Variants in TMCC3 observed in about 807,000 individuals in gnomAD.
The protein encoded by TMCC3 is transmembrane and coiled-coil domain protein 3.
A neutral mutation model predicts 40.2 loss-of-function variants in TMCC3; 28 were observed. The observed-to-expected ratio is 0.70, with a 90% CI of 0.52 to 0.95. The LOEUF (loss-of-function observed/expected upper bound fraction) is 0.95, where lower values mean the gene tolerates loss of function less well. Among genes scored for constraint, TMCC3 ranks in the 40% least tolerant of loss-of-function variants. The pLI is 0.00. For synonymous variants in TMCC3, 255 were observed against 248.5 expected (o/e 1.03, Z -0.25); for missense variants, 554 against 615.2 (o/e 0.90, Z 1.05).
intron 1 of TMCC3, among the ~76,000 whole-genome samples, chr12:94,592,920 G>GCA (rs2068687613): frequency 6.6e-6 from 1 of 152,200 alleles, no homozygotes; most frequent in Admixed American, 6.5e-5. Flanking sequence ...TCTTCGGCCA[G>GCA]GCGCGGTGGC....
rs570327158 is a variant in TMCC3, at chr12:94,611,490, TAA to T, written c.79-28954_79-28953del. Among the ~76,000 whole-genome samples, 216 of 152,234 alleles carry T rather than the reference TAA, an allele frequency of 1.4e-3. 4 individuals carry two copies. The South Asian group carries it at 0.043, about 30-fold the overall frequency. On this transcript the variant is annotated intron_variant, in intron 1 of 3. Transcript: ENST00000261226. ...ATTTCATGGGCAATGATGTTTTCCA[TAA>T]AGACTCTTCACTGAGAATACTCATA...
At chr12:94,626,525 T>G (rs2068905058) in intron 1 of TMCC3, among the ~76,000 whole-genome samples, 1 of 152,244 alleles carries the variant, frequency 6.6e-6, no homozygotes, top group South Asian at 2.1e-4. Context: ...TGCTTTCTGT[T>G]GAAATAGTGA....
chr12:94,576,090 A>T (rs1274528), intron 3 of TMCC3, among the ~76,000 whole-genome samples: 62,651 of 151,818 alleles, frequency 0.41, 13,255 homozygotes, highest in Non-Finnish European at 0.44. Flanking sequence ...CTTGGCAACA[A>T]TTAACGTTTA....
chr12:94,575,965 T>C (rs963104958), intron 3 of TMCC3, among the ~76,000 whole-genome samples: 2 of 151,786 alleles, frequency 1.3e-5, no homozygotes, highest in African/African-American at 4.8e-5. Context: ...AAAAAAAAAA[T>C]TTTTTTCTAA....
In TMCC3 at chr12:94,567,176, T is replaced by C. The variant is rs2068499687; in HGVS notation, c.*4259A>G. 6.6e-6 allele frequency: 1 copy of C among 152,254 alleles called. No individual in the cohort carries two copies. Among genetic ancestry groups the C allele is most frequent in the African/African-American group, 2.4e-5 (1 of 41,470 alleles). The allele number at this position is 152,254 out of a possible 1,614,324, so 9.4% of individuals were successfully genotyped here. Reference sequence around the variant, plus strand: ...TAACACCAAAGCTAACATCAAGTGTTTATTTAAAAAAATAATGGCACCTGC... The same window carrying C: ...TAACACCAAAGCTAACATCAAGTGTCTATTTAAAAAAATAATGGCACCTGC... On this transcript the variant is annotated 3_prime_UTR_variant, in exon 4 of 4. Transcript: ENST00000261226.
At chr12:94,645,026 G>T (rs577643453) in intron 1 of TMCC3, among the ~76,000 whole-genome samples, 3 of 152,280 alleles carry the variant, frequency 2.0e-5, no homozygotes, top group Admixed American at 1.3e-4. Flanking sequence ...CAAGACAGGG[G>T]TATTGTCCGG....
At chr12:94,586,154 T>A (rs10777606) in intron 1 of TMCC3, among the ~76,000 whole-genome samples, 83,594 of 152,072 alleles carry the variant, frequency 0.55, 23,096 homozygotes, top group Admixed American at 0.59. Context: ...CAGAGATTTT[T>A]TTCCGAGTAT....
chr12:94,568,196 C>T lies in TMCC3; in HGVS notation c.*3239G>A, dbSNP rs997309533. On this transcript the variant is annotated 3_prime_UTR_variant, in exon 4 of 4. Coordinates refer to ENST00000261226, the MANE Select transcript of TMCC3 (RefSeq NM_020698.4). ...TCCAAGCTACAAACTTGGGACTAAT[C>T]CCATGTTCATTGTCCAAACCCAGCA... 6.6e-6 allele frequency: 1 copy of T among 152,094 alleles called. No individual in the cohort carries two copies. The highest frequency in any genetic ancestry group is 2.4e-5 in the African/African-American group (1 of 41,416). The allele number at this position is 152,094 out of a possible 1,614,324, so 9.4% of individuals were successfully genotyped here.
intron 1 of TMCC3, among the ~76,000 whole-genome samples, chr12:94,635,859 G>A (rs1316354810): frequency 6.6e-6 from 1 of 151,982 alleles, no homozygotes; most frequent in Non-Finnish European, 1.5e-5. Flanking sequence ...AGTAGAGACA[G>A]GGTTTCACCA....
At chr12:94,610,047 G>A (rs972844828) in intron 1 of TMCC3, 5 of 152,190 alleles carry the variant, frequency 3.3e-5, no homozygotes, top group Non-Finnish European at 7.3e-5. Flanking sequence ...TGCCAGCCAG[G>A]GAGAAAGGGA....
intron 3 of TMCC3, among the ~76,000 whole-genome samples, chr12:94,576,634 C>A (rs1566313304): frequency 6.6e-6 from 1 of 152,114 alleles, no homozygotes; most frequent in African/African-American, 2.4e-5. Flanking sequence ...CACTGCCACA[C>A]CCAGCTAATT....
At chr12:94,639,537 A>G (rs963424784) in intron 1 of TMCC3, among the ~76,000 whole-genome samples, 1 of 152,098 alleles carries the variant, frequency 6.6e-6, no homozygotes, top group Non-Finnish European at 1.5e-5. Flanking sequence ...CCAAGACTGC[A>G]CCACTACACT....
At chr12:94,582,600 G>T in intron 1 of TMCC3, 62 bp from the exon 2 acceptor site, 2 of 1,429,572 alleles carry the variant, frequency 1.4e-6, no homozygotes, top group Admixed American at 4.3e-5. Context: ...TACTGTGACA[G>T]AATCTATGCA....
intron 1 of TMCC3, among the ~76,000 whole-genome samples, chr12:94,629,853 G>T (rs2068923198): frequency 6.6e-6 from 1 of 152,122 alleles, no homozygotes; most frequent in South Asian, 2.1e-4. Context: ...TTCGAATAAG[G>T]TTCAAATGGA....
chr12:94,642,989 G>A (rs752156483), intron 1 of TMCC3, among the ~76,000 whole-genome samples: 12 of 152,120 alleles, frequency 7.9e-5, no homozygotes, highest in South Asian at 4.2e-4. Context: ...TCAGGAGATC[G>A]AGACCATCCT....
At chr12:94,606,417 A>G (rs2068783485) in intron 1 of TMCC3, among the ~76,000 whole-genome samples, 1 of 144,598 alleles carries the variant, frequency 6.9e-6, no homozygotes, top group Admixed American at 7.1e-5. Context: ...CCCAGGCTGG[A>G]GTGCAGTGGG....
chr12:94,635,200 C>T (rs545752166), intron 1 of TMCC3, among the ~76,000 whole-genome samples: 5 of 152,162 alleles, frequency 3.3e-5, no homozygotes, highest in African/African-American at 4.8e-5. Context: ...AAGTGACAAA[C>T]CAACTTAAAT....
chr12:94,594,374 T>C (rs1320977967), intron 1 of TMCC3, among the ~76,000 whole-genome samples: 1 of 152,100 alleles, frequency 6.6e-6, no homozygotes, highest in Non-Finnish European at 1.5e-5. Flanking sequence ...ATTACAGGCA[T>C]GAGCCACCGT....
At chr12:94,572,905 C>T (rs961914627) in intron 3 of TMCC3, among the ~76,000 whole-genome samples, 6 of 151,898 alleles carry the variant, frequency 4.0e-5, no homozygotes, top group African/African-American at 7.3e-5. Context: ...GGACACCATC[C>T]GAGGCTATCT....
Sources: allele counts gnomAD v4.1 joint callset (sites outside exome capture counted in the v4.1 genomes callset), GRCh38; gene constraint gnomAD v4.1.1; transcripts MANE v1.5; gene names NCBI Gene and HGNC (gene_info 2026-07-23, HGNC 2026-07-21).